Variants in LRRC43 observed in about 807,000 individuals in gnomAD.
LRRC43 encodes the protein leucine-rich repeat-containing protein 43.
Under a neutral mutation model 64.3 loss-of-function variants are expected in LRRC43, and 62 were observed. The ratio of observed to expected loss-of-function variants is 0.96; its 90% confidence interval spans 0.79 to 1.19. LRRC43 has a LOEUF of 1.19. LRRC43 is among the 50% of genes most tolerant of loss of function. LRRC43 has a pLI of 0.00. For synonymous variants in LRRC43, 422 were observed against 382.3 expected (o/e 1.10, Z -1.21); for missense variants, 868 against 845.0 (o/e 1.03, Z -0.34).
intron 4 of LRRC43, among the ~76,000 whole-genome samples, chr12:122,188,759 G>A (rs1953677671): frequency 6.6e-6 from 1 of 152,174 alleles, no homozygotes; most frequent in Admixed American, 6.5e-5. Flanking sequence ...TATTTTAGAG[G>A]AGGGTTGCTC....
chr12:122,176,289 G>C (rs1249655257), intron 1 of LRRC43, among the ~76,000 whole-genome samples: 1 of 152,068 alleles, frequency 6.6e-6, no homozygotes, highest in East Asian at 1.9e-4. Context: ...AAAATCCTCA[G>C]GTGAAAATGA....
rs527999961 is a variant in LRRC43, at chr12:122,188,861, A to G, written c.662+1021A>G. 2.0e-5 allele frequency among the ~76,000 whole-genome samples: 3 copies of G among 152,290 alleles called. No homozygotes were observed. The South Asian group carries it at 6.2e-4, about 32-fold the overall frequency. ...ATATTGAGCAGCATACCTGGCCTGC[A>G]CCCGCAGATGCCAGGAGCACTTCCC... On this transcript the variant is annotated intron_variant, in intron 4 of 11. Transcript: ENST00000339777.
chr12:122,177,915 G>A (rs1269954122), intron 1 of LRRC43, among the ~76,000 whole-genome samples: 1 of 151,620 alleles, frequency 6.6e-6, no homozygotes, highest in Non-Finnish European at 1.5e-5. Flanking sequence ...TTGGCTCACT[G>A]CAACCTCTGC....
upstream of LRRC43, among the ~76,000 whole-genome samples, chr12:122,180,614 G>A (rs192714758): frequency 3.5e-3 from 538 of 152,288 alleles, 7 homozygotes; most frequent in Non-Finnish European, 4.4e-3. Flanking sequence ...GCTGCAGGGG[G>A]ACTTGGGATG....
chr12:122,187,729 G>A lies in LRRC43; in HGVS notation c.551G>A (p.Ser184Asn). 6.2e-7 allele frequency: 1 copy of A among 1,613,930 alleles called. No homozygotes were observed. Among genetic ancestry groups the A allele is most frequent in the South Asian group, 1.1e-5 (1 of 91,086 alleles). The change falls in exon 4 of 12, where the codon AGC becomes AAC. Residue 184 changes from serine (S) to asparagine (N), a missense_variant. Physicochemically the swap from Ser to Asn is conservative, Grantham distance 46. Coordinates refer to ENST00000339777, the MANE Select transcript of LRRC43 (RefSeq NM_001098519.2). Reference protein sequence around the residue: ...KVLELYGNEISSMECLCAHPP... With the variant: ...KVLELYGNEINSMECLCAHPP... Reference sequence around the variant, plus strand: ...CTGGAGCTCTACGGCAATGAGATCAGCAGCATGGAGTGTCTGTGTGCCCAC... The same window carrying A: ...CTGGAGCTCTACGGCAATGAGATCAACAGCATGGAGTGTCTGTGTGCCCAC...
At chr12:122,194,812 C>A (rs1485909200) in intron 7 of LRRC43, among the ~76,000 whole-genome samples, 1 of 152,050 alleles carries the variant, frequency 6.6e-6, no homozygotes, top group Non-Finnish European at 1.5e-5. Context: ...ATTCTCACCC[C>A]CATTTCCTTC....
intron 11 of LRRC43, among the ~76,000 whole-genome samples, chr12:122,202,809 C>T (rs1953857176): frequency 6.6e-6 from 1 of 152,162 alleles, no homozygotes; most frequent in African/African-American, 2.4e-5. Context: ...AAAATATCTG[C>T]AGCTGGGCTC....
Position 122,190,257 on chromosome 12 carries a change from C to T in LRRC43, c.790C>T (p.Pro264Ser), listed in dbSNP as rs754946423. 1.9e-6 allele frequency: 3 copies of T among 1,614,176 alleles called. No homozygotes were observed. Among genetic ancestry groups the T allele is most frequent in the Non-Finnish European group, 2.5e-6 (3 of 1,180,032 alleles). The change falls in exon 5 of 12, where the codon CCC (proline) becomes TCC (serine). Residue 264 changes from proline (P) to serine (S), a missense_variant. Coordinates refer to ENST00000339777, the MANE Select transcript of LRRC43 (RefSeq NM_001098519.2). ...VLQGNPLALVPYYRGLTIDSL... is the reference protein window; with the variant it reads ...VLQGNPLALVSYYRGLTIDSL... The stretch of plus-strand genomic sequence containing the variant: ...GCAGGGAAACCCACTGGCCTTGGTG[C>T]CCTACTACCGCGGCCTCACCATCGA...
chr12:122,188,938 A>G (rs1256325516), intron 4 of LRRC43, among the ~76,000 whole-genome samples: 1 of 152,072 alleles, frequency 6.6e-6, no homozygotes, highest in Non-Finnish European at 1.5e-5. Flanking sequence ...TCTGAGCCTG[A>G]TGTCCCCTGA....
rs755932377 is a variant in LRRC43, at chr12:122,200,787, G to C, written c.1662G>C (p.Glu554Asp). ...VLKKKKEPPK[E>D]LRQDPPILQV... ...AGAAGAAGAAAGAGCCGCCCAAGGA[G>C]CTCCGGCAGGACCCCCCCATCCTCC... Residue 554 changes from glutamate (E) to aspartate (D), a missense_variant, in exon 10 of 12, where the codon GAG (glutamate) becomes GAC (aspartate). By Grantham distance (45) the Glu-to-Asp change is conservative. Transcript: ENST00000339777. The surrounding 1 kb of genome is among the most constrained non-coding windows in gnomAD (Gnocchi z 4.6). The C allele has an allele frequency of 1.9e-6, 3 of 1,612,906 alleles. No homozygotes were observed. The highest frequency in any genetic ancestry group is 2.5e-6 in the Non-Finnish European group (3 of 1,180,030).
chr12:122,200,456 G>A lies in LRRC43; in HGVS notation c.1492-76G>A. The A allele has an allele frequency of 6.2e-7, 1 of 1,611,612 alleles. No homozygotes were observed. On this transcript the variant is annotated intron_variant, in intron 8 of 11. Coordinates refer to ENST00000339777, the MANE Select transcript of LRRC43 (RefSeq NM_001098519.2). This position sits in a 1 kb window ranked among gnomAD's most constrained non-coding sequence, Gnocchi z 4.6. ...TAGATGAGTTCTCAGCGCCATTCCA[G>A]AAAGGGTGAGGGAGAGGTGACCCCA...
intron 2 of LRRC43, among the ~76,000 whole-genome samples, chr12:122,185,020 C>G (rs1013602325): frequency 6.6e-6 from 1 of 152,188 alleles, no homozygotes; most frequent in Non-Finnish European, 1.5e-5. Flanking sequence ...AGCTTCCACC[C>G]CTGAGTTCTG....
At chr12:122,194,842 T>C (rs755365605) in intron 7 of LRRC43, among the ~76,000 whole-genome samples, 7 of 152,194 alleles carry the variant, frequency 4.6e-5, no homozygotes, top group Non-Finnish European at 7.3e-5. Flanking sequence ...TGGTCAAATA[T>C]ATTACATTTC....
At position 122,200,162 on chromosome 12, in the gene LRRC43, C is replaced by T; in HGVS notation, c.1350-27C>T. 6.2e-7 allele frequency: 1 copy of T among 1,607,848 alleles called. No homozygotes were observed. Among genetic ancestry groups the T allele is most frequent in the Non-Finnish European group, 8.5e-7 (1 of 1,176,682 alleles). ...GGCCACAGCCCCTGGGTGACGGCACCCCCGTCTTCATCCCTCCCTCCCCAA... is the reference window on the plus strand; with the variant it reads ...GGCCACAGCCCCTGGGTGACGGCACTCCCGTCTTCATCCCTCCCTCCCCAA... On this transcript the variant is annotated intron_variant, in intron 7 of 11. Transcript: ENST00000339777. This position sits in a 1 kb window ranked among gnomAD's most constrained non-coding sequence, Gnocchi z 4.6.
chr12:122,184,721 C>T lies in LRRC43; in HGVS notation c.353C>T (p.Thr118Met), dbSNP rs746323946. The change falls in exon 2 of 12, where the codon ACG becomes ATG. Residue 118 changes from threonine to methionine, a missense_variant. Coordinates refer to ENST00000339777, the MANE Select transcript of LRRC43 (RefSeq NM_001098519.2). This position sits in a 1 kb window ranked among gnomAD's most constrained non-coding sequence, Gnocchi z 4.0. ...GAATTGGCCATCCGGAACCCGCTGA[C>T]GATCACAGACACCTTCTTCTACTCC... ...LRELAIRNPL[T>M]ITDTFFYSYF... 106 of 1,613,500 alleles carry T rather than the reference C, an allele frequency of 6.6e-5. No homozygotes were observed. The highest frequency in any genetic ancestry group is 2.1e-4 in the South Asian group (19 of 91,008).
intron 7 of LRRC43, among the ~76,000 whole-genome samples, chr12:122,199,131 T>C (rs1167022887): frequency 2.0e-5 from 3 of 151,560 alleles, no homozygotes; most frequent in Admixed American, 1.3e-4. Context: ...TAATTCTCCT[T>C]CATGCTGTGA....
chr12:122,192,696 C>T (rs1245901521), intron 6 of LRRC43, 49 bp from the exon 7 acceptor site: 1 of 1,598,336 alleles, frequency 6.3e-7, no homozygotes, highest in African/African-American at 1.3e-5. Context: ...ATCAGCTGAG[C>T]ACATCCTGAA....
chr12:122,187,608 C>G (rs1953659625), intron 3 of LRRC43, 93 bp from the exon 4 acceptor site: 1 of 1,192,424 alleles, frequency 8.4e-7, no homozygotes, highest in African/African-American at 1.5e-5. Flanking sequence ...TTTGTGATTC[C>G]TCTACTAAGT....
At chr12:122,201,237 C>A in intron 10 of LRRC43, 59 bp from the exon 11 acceptor site, 2 of 1,575,860 alleles carry the variant, frequency 1.3e-6, no homozygotes, top group Non-Finnish European at 1.7e-6. Context: ...CCAGAGACAC[C>A]CCTTCTCTAG....
Sources: gnomAD v4.1 joint callset for allele counts (sites outside exome capture counted in the v4.1 genomes callset) on GRCh38, gnomAD v4.1.1 for gene constraint, Gnocchi (gnomAD v3.1) non-coding constraint, MANE v1.5 for transcripts, NCBI Gene and HGNC (gene_info 2026-07-23, HGNC 2026-07-21) for gene names.